The following EVL variants were observed in gnomAD, a reference collection of about 807,000 sequenced individuals.
The protein encoded by EVL is Enah/Vasp-like.
A neutral mutation model predicts 59.6 loss-of-function variants in EVL; 21 were observed. The ratio of observed to expected loss-of-function variants is 0.35; its 90% CI spans 0.25 to 0.51. EVL has a LOEUF of 0.51. Ranked by LOEUF, EVL falls within the 20% of genes least tolerant of loss-of-function variation. The pLI, the probability that EVL is intolerant of heterozygous loss-of-function variation, is 0.97. For missense variants in EVL, 462 were observed against 546.6 expected, an observed-to-expected ratio of 0.85 and a Z score of 1.54; for synonymous variants, 198 against 203.5, an observed-to-expected ratio of 0.97 and a Z score of 0.23.
intron 1 of EVL, among the ~76,000 whole-genome samples, chr14:100,084,052 C>CT (rs548584469): frequency 0.12 from 16,185 of 134,586 alleles, 1,233 homozygotes; most frequent in East Asian, 0.18. Flanking sequence ...CTCTCTCTCT[C>CT]TTTTTTTTTT....
At chr14:100,055,018 T>C (rs867428950) in intron 1 of EVL, among the ~76,000 whole-genome samples, 1 of 152,068 alleles carries the variant, frequency 6.6e-6, no homozygotes, top group Admixed American at 6.5e-5. Context: ...CTGACCAAAA[T>C]GGTGAAACCC....
At chr14:100,089,734 C>G (rs2062523359) in intron 2 of EVL, among the ~76,000 whole-genome samples, 1 of 152,092 alleles carries the variant, frequency 6.6e-6, no homozygotes, top group Non-Finnish European at 1.5e-5. Context: ...CCATCCTGGT[C>G]AATATAGTGG....
chr14:100,057,320 A>AGT (rs1432483991), intron 1 of EVL, among the ~76,000 whole-genome samples: 1 of 152,184 alleles, frequency 6.6e-6, no homozygotes, highest in African/African-American at 2.4e-5. Context: ...AGTCCACGGA[A>AGT]GTCTAAGGTC....
In EVL at chr14:100,136,682, C is replaced by T. The variant is rs117767581; in HGVS notation, c.964+714C>T. On this transcript the variant is annotated intron_variant, in intron 9 of 13. Coordinates refer to ENST00000392920, the MANE Select transcript of EVL (RefSeq NM_016337.3). The stretch of plus-strand genomic sequence containing the variant: ...TCTGGGGCATGCTCAGGTTGGGTGT[C>T]GCCTCCCTGTGAAACTGCACGCCAT... Among the ~76,000 whole-genome samples, 1,460 of 152,178 alleles carry T rather than the reference C, an allele frequency of 9.6e-3. 8 individuals carry two copies. Among genetic ancestry groups the T allele is most frequent in the Middle Eastern group, 0.034 (10 of 294 alleles).
chr14:99,989,469 A>T (rs887863187), intron 1 of EVL, among the ~76,000 whole-genome samples: 3 of 152,182 alleles, frequency 2.0e-5, no homozygotes, highest in Non-Finnish European at 4.4e-5. Context: ...TCTTGAGGAT[A>T]TTCCCATATC....
At chr14:100,082,752 G>A (rs1304793085) in intron 1 of EVL, among the ~76,000 whole-genome samples, 2 of 152,212 alleles carry the variant, frequency 1.3e-5, no homozygotes, top group Non-Finnish European at 2.9e-5. Flanking sequence ...AAGGAGAAAG[G>A]CCAGGAAGGA....
At chr14:100,000,538 G>A (rs1332142590) in intron 1 of EVL, among the ~76,000 whole-genome samples, 2 of 151,848 alleles carry the variant, frequency 1.3e-5, no homozygotes, top group Non-Finnish European at 2.9e-5. Context: ...TAGTAAAGAC[G>A]GGGTTTCACC....
At chr14:100,062,802 A>T (rs1486405881), upstream of EVL, among the ~76,000 whole-genome samples, 1 of 152,186 alleles carries the variant, frequency 6.6e-6, no homozygotes, top group African/African-American at 2.4e-5. Flanking sequence ...TGACTGTGTG[A>T]CTTTACATGG....
chr14:100,112,510 C>T (rs748676132), intron 3 of EVL, among the ~76,000 whole-genome samples: 3 of 152,244 alleles, frequency 2.0e-5, no homozygotes, highest in Non-Finnish European at 4.4e-5. Context: ...CTTAGCCCGG[C>T]ATGCTGTGGC....
At chr14:100,086,543 C>T (rs1283207280) in intron 2 of EVL, among the ~76,000 whole-genome samples, 1 of 152,226 alleles carries the variant, frequency 6.6e-6, no homozygotes, top group East Asian at 1.9e-4. Flanking sequence ...AGTAGGAAGA[C>T]GGCATGGTGT....
intron 3 of EVL, among the ~76,000 whole-genome samples, chr14:100,118,885 A>C (rs1443057764): frequency 6.6e-6 from 1 of 152,248 alleles, no homozygotes; most frequent in African/African-American, 2.4e-5. Context: ...TCGAAGCTGG[A>C]AAGTGGGCCT....
chr14:99,993,670 ATTGT>A (rs2060890178), intron 1 of EVL, among the ~76,000 whole-genome samples: 1 of 108,990 alleles, frequency 9.2e-6, no homozygotes, highest in African/African-American at 3.8e-5. Flanking sequence ...GTCTTTTCAG[ATTGT>A]TTCTTTCTTT....
chr14:100,050,990 A>T (rs935439341), intron 1 of EVL, among the ~76,000 whole-genome samples: 1 of 150,792 alleles, frequency 6.6e-6, no homozygotes, highest in Non-Finnish European at 1.5e-5. Flanking sequence ...CAAGTGATCC[A>T]CCCGCCTCAG....
At position 100,132,749 on chromosome 14, in the gene EVL, A is replaced by G; in HGVS notation, c.870A>G (p.Pro290=). The part of the protein sequence containing the change: ...RRKAASQSDK[P]AEKKEDESQM... ...AAGCAGCCTCCCAGTCAGACAAGCC[A>G]GCCGAGAAGAAGGAAGATGAAAGCC... is the stretch of plus-strand genomic sequence containing the variant. The change falls in exon 8 of 14, where the codon CCA becomes CCG. Residue 290 remains proline (P), a synonymous_variant. Coordinates refer to ENST00000392920, the MANE Select transcript of EVL (RefSeq NM_016337.3). 6.2e-7 allele frequency: 1 copy of G among 1,614,182 alleles called. No individual in the cohort carries two copies.
At chr14:100,070,676 A>G (rs1416645073) in intron 1 of EVL, among the ~76,000 whole-genome samples, 1 of 152,152 alleles carries the variant, frequency 6.6e-6, no homozygotes, top group Non-Finnish European at 1.5e-5. Flanking sequence ...TTGTGTCTTC[A>G]GGGGTGTTTG....
At chr14:100,033,795 A>T (rs1228085443) in intron 1 of EVL, among the ~76,000 whole-genome samples, 1 of 152,232 alleles carries the variant, frequency 6.6e-6, no homozygotes, top group Non-Finnish European at 1.5e-5. Flanking sequence ...TTAAAAACTT[A>T]TCCAGCATCA....
chr14:99,977,064 T>C (rs2060775318), intron 1 of EVL: 2 of 152,242 alleles, frequency 1.3e-5, no homozygotes, highest in South Asian at 4.1e-4. Context: ...TTTGAGTCAA[T>C]ATTCAATTCT....
chr14:100,035,539 C>T (rs2061376438), intron 1 of EVL, among the ~76,000 whole-genome samples: 2 of 152,026 alleles, frequency 1.3e-5, no homozygotes, highest in South Asian at 4.1e-4. Context: ...GTGTGGTTTT[C>T]ACTGATGGGG....
At chr14:99,984,204 A>T (rs181326233) in intron 1 of EVL, among the ~76,000 whole-genome samples, 67 of 152,340 alleles carry the variant, frequency 4.4e-4, no homozygotes, top group South Asian at 1.2e-3. Context: ...TTAATGCATT[A>T]CTGAGGTGTC....
Sources: allele counts gnomAD v4.1 joint callset (sites outside exome capture counted in the v4.1 genomes callset), GRCh38; gene constraint gnomAD v4.1.1; transcripts MANE v1.5; gene names NCBI Gene and HGNC (gene_info 2026-07-23, HGNC 2026-07-21).